The following NUP153 variants were observed in gnomAD, a reference collection of about 807,000 sequenced individuals.
NUP153 encodes nuclear pore complex protein Nup153.
Under a neutral mutation model 134.6 loss-of-function variants are expected in NUP153, and 27 were observed. The ratio of observed to expected loss-of-function variants is 0.20; its 90% confidence interval spans 0.15 to 0.28. The LOEUF (loss-of-function observed/expected upper bound fraction) is 0.28, where lower values mean the gene tolerates loss of function less well. Ranked by LOEUF, NUP153 falls within the 10% of genes least tolerant of loss-of-function variation. The pLI, the probability that NUP153 is intolerant of heterozygous loss-of-function variation, is 1.00. For missense variants in NUP153, 1,821 were observed against 1,731.3 expected, an observed-to-expected ratio of 1.05 and a Z score of -0.92; for synonymous variants, 640 against 623.5, an observed-to-expected ratio of 1.03 and a Z score of -0.40.
At chr6:17,623,634 A>T (rs961915348) in intron 20 of NUP153, among the ~76,000 whole-genome samples, 2 of 152,372 alleles carry the variant, frequency 1.3e-5, no homozygotes, top group Admixed American at 1.3e-4. Context: ...CAACTGAAAC[A>T]TATGTCAACA....
At chr6:17,701,759 G>T (rs1057293117) in intron 1 of NUP153, among the ~76,000 whole-genome samples, 8 of 149,470 alleles carry the variant, frequency 5.4e-5, no homozygotes, top group Admixed American at 2.7e-4. Context: ...CTTGAACTCG[G>T]GAGGCAGAAG....
intron 11 of NUP153, among the ~76,000 whole-genome samples, chr6:17,657,491 G>A (rs77458411): frequency 0.11 from 15,983 of 152,062 alleles, 886 homozygotes; most frequent in Admixed American, 0.13. Context: ...TTGAACTCAG[G>A]AGGTGGAGGG....
chr6:17,649,608 C>T (rs1766402135), intron 11 of NUP153, among the ~76,000 whole-genome samples: 1 of 152,074 alleles, frequency 6.6e-6, no homozygotes, highest in Non-Finnish European at 1.5e-5. Flanking sequence ...TATATAGTAG[C>T]CTACCTTATC....
chr6:17,630,920 T>C (rs1041381358), intron 17 of NUP153, among the ~76,000 whole-genome samples: 1 of 152,114 alleles, frequency 6.6e-6, no homozygotes, highest in African/African-American at 2.4e-5. Flanking sequence ...CTTGACCTAC[T>C]GGCTCAAAAC....
chr6:17,647,337 CAT>C (rs1485898076), intron 13 of NUP153, among the ~76,000 whole-genome samples: 2 of 152,136 alleles, frequency 1.3e-5, no homozygotes, highest in East Asian at 1.9e-4. Context: ...AATCAAGACA[CAT>C]GTTTTAACTA....
rs1581684309 is a variant in NUP153 at position 17,637,334 on chromosome 6, T to C, written c.2283A>G (p.Thr761=). The change falls in exon 16 of 22, where the codon ACA becomes ACG. Residue 761 remains threonine (T), a synonymous_variant. Transcript: ENST00000262077. ...GTCVKRALTL[T]VVSESAETMT... ...TAGTCTCAGCACTTTCCGAAACCAC[T>C]GTCAATGTAAGGGCTCGCTTCACAC... 1 of 1,614,228 alleles carries C rather than the reference T, an allele frequency of 6.2e-7. No homozygotes were observed. Among genetic ancestry groups the C allele is most frequent in the Non-Finnish European group, 8.5e-7 (1 of 1,180,052 alleles).
rs1770514676 is a variant in NUP153, at chr6:17,706,525, C to T, written c.-138G>A. ...GCGCTGTCCACACAGTGGGCACAAG[C>T]ACCCCAGGAACCGCGAGGTTGCGAG... On this transcript the variant is annotated 5_prime_UTR_variant, in exon 1 of 22. Coordinates refer to ENST00000262077, the MANE Select transcript of NUP153 (RefSeq NM_005124.4). This position sits in a 1 kb window ranked among gnomAD's most constrained non-coding sequence, Gnocchi z 5.9. The T allele has an allele frequency of 1.6e-6, 1 of 632,964 alleles. No individual in the cohort carries two copies. The allele number at this position is 632,964 out of a possible 1,614,324, so 39.2% of individuals were successfully genotyped here.
At chr6:17,623,496 G>A (rs1015442737) in intron 20 of NUP153, among the ~76,000 whole-genome samples, 14 of 152,056 alleles carry the variant, frequency 9.2e-5, no homozygotes, top group African/African-American at 3.4e-4. Flanking sequence ...TTATCTTCTA[G>A]TATAAGATAT....
intron 8 of NUP153, among the ~76,000 whole-genome samples, chr6:17,667,989 C>A (rs1767647025): frequency 6.7e-6 from 1 of 149,530 alleles, no homozygotes; most frequent in Non-Finnish European, 1.5e-5. Context: ...CTACTACACA[C>A]AATAGATTTC....
chr6:17,698,040 A>C (rs956855358), intron 1 of NUP153, among the ~76,000 whole-genome samples: 16 of 152,188 alleles, frequency 1.1e-4, no homozygotes, highest in African/African-American at 3.1e-4. Flanking sequence ...AGCAGTGTTC[A>C]GATTATAAAA....
At chr6:17,674,380 C>G (rs1581742869) in intron 5 of NUP153, among the ~76,000 whole-genome samples, 1 of 152,042 alleles carries the variant, frequency 6.6e-6, no homozygotes, top group Non-Finnish European at 1.5e-5. Flanking sequence ...ATATCTAATA[C>G]ATAAAACACT....
Position 17,632,725 on chromosome 6 carries a change from C to G in NUP153, c.2584G>C (p.Val862Leu), listed in dbSNP as rs1385480333. The part of the protein sequence containing the change: ...EGSWDCELCL[V>L]QNKADSTKCL... Reference sequence around the variant, plus strand: ...TTGGTAGAGTCTGCCTTATTCTGCACTAGGCACAATTCACAGTCCCAGCTT... The same window carrying G: ...TTGGTAGAGTCTGCCTTATTCTGCAGTAGGCACAATTCACAGTCCCAGCTT... The change falls in exon 17 of 22, where the codon GTG becomes CTG. Residue 862 changes from valine to leucine, a missense_variant. By Grantham distance (32) the Val-to-Leu change is conservative. Transcript: ENST00000262077. 1 of 1,613,652 alleles carries G rather than the reference C, an allele frequency of 6.2e-7. No individual in the cohort carries two copies. Among genetic ancestry groups the G allele is most frequent in the Non-Finnish European group, 8.5e-7 (1 of 1,179,978 alleles).
In NUP153 at chr6:17,637,207, C is replaced by T; in HGVS notation, c.2410G>A (p.Val804Ile). Reference sequence around the variant, plus strand: ...TTATTGTCTTCTGCATTATTAGAAACACAGCATACTGAACACTCCCAAGAT... The same window carrying T: ...TTATTGTCTTCTGCATTATTAGAAATACAGCATACTGAACACTCCCAAGAT... ...IGSWECSVCCVSNNAEDNKCV... is the reference protein window; with the variant it reads ...IGSWECSVCCISNNAEDNKCV... The change falls in exon 16 of 22, where the codon GTT (valine) becomes ATT (isoleucine). Residue 804 changes from valine to isoleucine, a missense_variant. By Grantham distance (29) the Val-to-Ile change is conservative. Transcript: ENST00000262077. The T allele has an allele frequency of 6.2e-7, 1 of 1,614,124 alleles. No homozygotes were observed. The highest frequency in any genetic ancestry group is 8.5e-7 in the Non-Finnish European group (1 of 1,180,008).
Position 17,625,927 on chromosome 6 carries a change from G to A in NUP153, c.3782C>T (p.Ala1261Val). The A allele has an allele frequency of 6.2e-7, 1 of 1,614,198 alleles. No individual in the cohort carries two copies. The highest frequency in any genetic ancestry group is 2.2e-5 in the East Asian group (1 of 44,884). The stretch of plus-strand genomic sequence containing the variant: ...AGCTGTACCTGTGCTGGATGTGGTT[G>A]CTAGTTTGCTATCTTGAGAAAATAG... ...SLLFSQDSKL[A>V]TTSSTGTAVT... The change falls in exon 19 of 22, where the codon GCA becomes GTA. Residue 1261 changes from alanine (A) to valine (V), a missense_variant. Physicochemically the swap from Ala to Val is moderately conservative, Grantham distance 64. Transcript: ENST00000262077. The surrounding 1 kb of genome is among the most constrained non-coding windows in gnomAD (Gnocchi z 4.7).
chr6:17,632,877 G>A (rs919870942), intron 16 of NUP153, 33 bp from the exon 17 acceptor site: 1 of 1,469,400 alleles, frequency 6.8e-7, no homozygotes, highest in East Asian at 2.3e-5. Flanking sequence ...GGAGTGGGGG[G>A]AGATTTCATG....
intron 9 of NUP153, among the ~76,000 whole-genome samples, chr6:17,663,232 T>C (rs531572474): frequency 1.2e-3 from 179 of 144,090 alleles, no homozygotes; most frequent in African/African-American, 3.7e-3. Context: ...AAGAAAAAAA[T>C]ACACACACAC....
chr6:17,625,905 T>C lies in NUP153; in HGVS notation c.3804A>G (p.Thr1268=). The C allele has an allele frequency of 6.2e-7, 1 of 1,614,250 alleles. No homozygotes were observed. The highest frequency in any genetic ancestry group is 2.2e-5 in the East Asian group (1 of 44,890). ...SKLATTSSTG[T]AVTPFVFGPG... is the part of the protein sequence containing the mutation. ...GACCAAAGACAAATGGGGTGACAGCTGTACCTGTGCTGGATGTGGTTGCTA... is the reference window on the plus strand; with the variant it reads ...GACCAAAGACAAATGGGGTGACAGCCGTACCTGTGCTGGATGTGGTTGCTA... Residue 1268 remains threonine, a synonymous_variant, in exon 19 of 22, where the codon ACA becomes ACG. Coordinates refer to ENST00000262077, the MANE Select transcript of NUP153 (RefSeq NM_005124.4). The surrounding 1 kb of genome is among the most constrained non-coding windows in gnomAD (Gnocchi z 4.7).
chr6:17,656,550 A>ATT (rs1195130359), intron 11 of NUP153, among the ~76,000 whole-genome samples: 1 of 151,860 alleles, frequency 6.6e-6, no homozygotes, highest in Non-Finnish European at 1.5e-5. Context: ...AATTTTTGTT[A>ATT]TTTTTTTGTA....
intron 20 of NUP153, among the ~76,000 whole-genome samples, chr6:17,622,656 T>G (rs902128546): frequency 3.3e-5 from 5 of 152,066 alleles, no homozygotes; most frequent in African/African-American, 1.2e-4. Flanking sequence ...TGACTTTTTC[T>G]TTGTATTTAG....
Sources: gnomAD v4.1 joint callset for allele counts (sites outside exome capture counted in the v4.1 genomes callset) on GRCh38, gnomAD v4.1.1 for gene constraint, Gnocchi (gnomAD v3.1) non-coding constraint, MANE v1.5 for transcripts, NCBI Gene and HGNC (gene_info 2026-07-23, HGNC 2026-07-21) for gene names.